The following ALS2CL variants were observed in gnomAD, a reference collection of about 807,000 sequenced individuals.
ALS2CL encodes ALS2 C-terminal-like protein.
ALS2CL carries 112 observed loss-of-function variants against 127.9 expected under a neutral mutation model. That is an observed-to-expected ratio of 0.88 (90% CI 0.75 to 1.02). ALS2CL has a LOEUF of 1.02. ALS2CL is among the 50% of genes least tolerant of loss of function. ALS2CL has a pLI of 0.00. For missense variants in ALS2CL, 1,174 were observed against 1,236.7 expected, an observed-to-expected ratio of 0.95 and a Z score of 0.76; for synonymous variants, 519 against 527.6, an observed-to-expected ratio of 0.98 and a Z score of 0.22.
chr3:46,679,396 G>A lies in ALS2CL; in HGVS notation c.1549-109C>T, dbSNP rs77008329. The A allele has an allele frequency of 8.1e-4, 785 of 965,050 alleles. 4 individuals are homozygous for A. The East Asian group carries it at 0.011, about 13-fold the overall frequency. The allele number at this position is 965,050 out of a possible 1,614,324, so 59.8% of individuals were successfully genotyped here. On this transcript the variant is annotated intron_variant, in intron 14 of 25. Transcript: ENST00000318962. ...AGGGAGATGTGCCCTGACACATGGC[G>A]AGAGGGGCCCTGAGCCTCATCACGC...
intron 1 of ALS2CL, among the ~76,000 whole-genome samples, chr3:46,692,535 G>C (rs372074097): frequency 8.6e-5 from 13 of 151,756 alleles, no homozygotes; most frequent in African/African-American, 2.9e-4. Flanking sequence ...ACTTGTGCAG[G>C]GCTCAGACCC....
chr3:46,676,771 C>G, intron 17 of ALS2CL, 33 bp from the exon 18 acceptor site: 3 of 1,612,968 alleles, frequency 1.9e-6, no homozygotes, highest in Non-Finnish European at 2.5e-6. Flanking sequence ...CTCACCCACA[C>G]CTCGGCCCAG....
chr3:46,677,132 C>T (rs1698917442), intron 16 of ALS2CL, 110 bp from the exon 17 acceptor site: 2 of 1,484,748 alleles, frequency 1.3e-6, no homozygotes, highest in African/African-American at 1.4e-5. Context: ...GGCCCAGGAT[C>T]AAGCCCCAAG....
At chr3:46,675,827 A>G (rs1698770209) in intron 19 of ALS2CL, 141 bp from the exon 20 acceptor site, 1 of 1,489,918 alleles carries the variant, frequency 6.7e-7, no homozygotes, top group Non-Finnish European at 8.9e-7. Flanking sequence ...CAAACCACAG[A>G]AGTTAGAAGG....
In ALS2CL at chr3:46,686,045, C is replaced by T. The variant is rs749947173; in HGVS notation, c.666+263G>A. 4.5e-4 allele frequency among the ~76,000 whole-genome samples: 69 copies of T among 152,214 alleles called. No individual in the cohort carries two copies. The highest frequency in any genetic ancestry group is 2.4e-3 in the Admixed American group (37 of 15,290). ...GTGGGCAGTGACGCAAGGGTGTGAT[C>T]GGTGATATCCCCAGGGGAGAGGACT... On this transcript the variant is annotated intron_variant, in intron 6 of 25. Coordinates refer to ENST00000318962, the MANE Select transcript of ALS2CL (RefSeq NM_147129.5). This position sits in a 1 kb window ranked among gnomAD's most constrained non-coding sequence, Gnocchi z 4.3.
chr3:46,674,521 A>T (rs1220005049), intron 21 of ALS2CL, 45 bp downstream of exon 21: 1 of 1,581,556 alleles, frequency 6.3e-7, no homozygotes, highest in East Asian at 2.2e-5. Flanking sequence ...GTCTGAGTCG[A>T]GTTTGAGTCC....
intron 22 of ALS2CL, among the ~76,000 whole-genome samples, chr3:46,672,590 C>A (rs944006758): frequency 1.3e-5 from 2 of 152,150 alleles, no homozygotes; most frequent in Admixed American, 6.6e-5. Flanking sequence ...TGAGGTGGTT[C>A]CAAGAATCTG....
chr3:46,686,517 G>A lies in ALS2CL; in HGVS notation c.535-78C>T. The A allele has an allele frequency of 6.5e-7, 1 of 1,537,250 alleles. No individual in the cohort carries two copies. The highest frequency in any genetic ancestry group is 1.3e-5 in the South Asian group (1 of 78,362). On this transcript the variant is annotated intron_variant, in intron 5 of 25. Transcript: ENST00000318962. The surrounding 1 kb of genome is among the most constrained non-coding windows in gnomAD (Gnocchi z 4.3). ...AGCCCAGTCCTGGTCCCGGCTGGTG[G>A]GGAGGCCTGAATCTAGGCCAGACCT...
chr3:46,670,891 T>C lies in ALS2CL; in HGVS notation c.*93A>G. On this transcript the variant is annotated 3_prime_UTR_variant, in exon 26 of 26. Transcript: ENST00000318962. The surrounding 1 kb of genome is among the most constrained non-coding windows in gnomAD (Gnocchi z 5.5). ...AATGCTCATCTCCTCCAAGAGCTGC[T>C]TCTGAGGGCCTGTCCTGCCCCTTGC... 7.6e-7 allele frequency: 1 copy of C among 1,318,792 alleles called. No homozygotes were observed. Among genetic ancestry groups the C allele is most frequent in the East Asian group, 2.3e-5 (1 of 43,252 alleles). 81.7% of individuals were successfully genotyped at this position (1,318,792 alleles called of 1,614,324 possible). A position where few individuals can be genotyped will look rare whatever the true frequency, so the allele number is the denominator to read the frequency against.
intron 3 of ALS2CL, 73 bp from the exon 4 acceptor site, chr3:46,687,757 C>A: frequency 6.8e-7 from 1 of 1,474,316 alleles, no homozygotes; most frequent in South Asian, 1.3e-5. Flanking sequence ...TCCCTGGGAT[C>A]CCCAGATCCC....
chr3:46,687,999 A>G, intron 3 of ALS2CL, 99 bp downstream of exon 3: 7 of 1,424,476 alleles, frequency 4.9e-6, no homozygotes, highest in Non-Finnish European at 6.7e-6. Flanking sequence ...CCTTTGCTTG[A>G]ACCCTGACCC....
chr3:46,681,601 G>A lies in ALS2CL; in HGVS notation c.1176-3C>T, dbSNP rs750153682. On this transcript the variant is annotated splice_region_variant and splice_polypyrimidine_tract_variant and intron_variant, in intron 11 of 25. Coordinates refer to ENST00000318962, the MANE Select transcript of ALS2CL (RefSeq NM_147129.5). This position sits in a 1 kb window ranked among gnomAD's most constrained non-coding sequence, Gnocchi z 4.9. Reference sequence around the variant, plus strand: ...GGGGCAGCAGGCGGATGCCGAAGCTGACAGCATGGTTGTGGGGGTGGGGAT... The same window carrying A: ...GGGGCAGCAGGCGGATGCCGAAGCTAACAGCATGGTTGTGGGGGTGGGGAT... The A allele has an allele frequency of 1.5e-4, 239 of 1,613,910 alleles. No individual in the cohort carries two copies. Among genetic ancestry groups the A allele is most frequent in the Non-Finnish European group, 2.0e-4 (231 of 1,179,974 alleles).
At chr3:46,675,251 GC>G in intron 20 of ALS2CL, 1 of 234,076 alleles carries the variant, frequency 4.3e-6, no homozygotes, top group Non-Finnish European at 8.3e-6. Flanking sequence ...CAAATTTCAT[GC>G]CCACCTAACT....
In ALS2CL at chr3:46,686,419, C is replaced by A. The variant is rs34935085; in HGVS notation, c.555G>T (p.Leu185=). ...TIGEHHPTRE[L]VVNAVTLFGN... ...CAAAGAGGGTGACTGCGTTCACCACCAGCTCCCGGGTTGGGTGATGCTGAA... is the reference window on the plus strand; with the variant it reads ...CAAAGAGGGTGACTGCGTTCACCACAAGCTCCCGGGTTGGGTGATGCTGAA... Residue 185 remains leucine (L), a synonymous_variant, in exon 6 of 26, where the codon CTG becomes CTT. Transcript: ENST00000318962. This position sits in a 1 kb window ranked among gnomAD's most constrained non-coding sequence, Gnocchi z 4.3. 0.06 allele frequency: 97,422 copies of A among 1,613,290 alleles called. 3,842 individuals carry two copies. Among genetic ancestry groups the A allele is most frequent in the South Asian group, 0.14 (12,919 of 90,994 alleles).
chr3:46,682,787 T>C (rs987607423), intron 10 of ALS2CL, among the ~76,000 whole-genome samples: 18 of 152,196 alleles, frequency 1.2e-4, no homozygotes, highest in Admixed American at 2.6e-4. Context: ...CCGATGGAGA[T>C]AGAATGTGTG....
chr3:46,683,587 G>C (rs980450318), intron 9 of ALS2CL, among the ~76,000 whole-genome samples, 195 bp downstream of exon 9: 9 of 152,184 alleles, frequency 5.9e-5, no homozygotes, highest in Non-Finnish European at 1.3e-4. Flanking sequence ...ACCCAATTCT[G>C]TCTTTAGAAA....
Position 46,689,384 on chromosome 3 carries a change from G to T in ALS2CL, c.57C>A (p.Thr19=). The T allele has an allele frequency of 6.2e-7, 1 of 1,612,436 alleles. No homozygotes were observed. The highest frequency in any genetic ancestry group is 8.5e-7 in the Non-Finnish European group (1 of 1,179,850). The stretch of plus-strand genomic sequence containing the variant: ...GGACAAGGCTGTTGACATGGGCGAG[G>T]GTGGCTGAGAAGACCTCCTCCAGCC... ...LLRLEEVFSA[T]LAHVNSLVLQ... Residue 19 remains threonine (T), a synonymous_variant, in exon 2 of 26, where the codon ACC becomes ACA. Transcript: ENST00000318962.
chr3:46,673,290 T>C (rs757975753), intron 22 of ALS2CL, 49 bp downstream of exon 22: 2 of 1,472,356 alleles, frequency 1.4e-6, no homozygotes, highest in Non-Finnish European at 1.8e-6. Flanking sequence ...CCTCAAAGCC[T>C]GCAGGACCTC....
At position 46,674,655 on chromosome 3, in the gene ALS2CL, A is replaced by G; in HGVS notation, c.2340T>C (p.His780=). ...GGCTGTAGAAGCTGTCCTCCCGCTC[A>G]TGAAGCAGCAGGTAGAGCGTGAAGA... ...SELFTLYLLL[H]EREDSFYSQG... is the part of the protein sequence containing the mutation. Residue 780 remains histidine (H), a synonymous_variant, in exon 21 of 26, where the codon CAT becomes CAC. Coordinates refer to ENST00000318962, the MANE Select transcript of ALS2CL (RefSeq NM_147129.5). 1 of 1,614,166 alleles carries G rather than the reference A, an allele frequency of 6.2e-7. No homozygotes were observed. Among genetic ancestry groups the G allele is most frequent in the Non-Finnish European group, 8.5e-7 (1 of 1,180,018 alleles).
Sources: gnomAD v4.1 joint callset for allele counts (sites outside exome capture counted in the v4.1 genomes callset) on GRCh38, gnomAD v4.1.1 for gene constraint, Gnocchi (gnomAD v3.1) non-coding constraint, MANE v1.5 for transcripts, NCBI Gene and HGNC (gene_info 2026-07-23, HGNC 2026-07-21) for gene names.